The following ZNF385D variants were observed in gnomAD, a reference collection of about 807,000 sequenced individuals.
ZNF385D encodes zinc finger protein 385D, also known as zinc finger protein 659.
A neutral mutation model predicts 35.8 loss-of-function variants in ZNF385D; 15 were observed. The ratio of observed to expected loss-of-function variants is 0.42; its 90% CI spans 0.28 to 0.64. The LOEUF is 0.64. Among genes scored for constraint, ZNF385D ranks in the 30% least tolerant of loss-of-function variants. ZNF385D has a pLI of 0.23. For missense variants in ZNF385D, 474 were observed against 494.6 expected (o/e 0.96, Z 0.39); for synonymous variants, 212 against 186.8 (o/e 1.13, Z -1.10).
In ZNF385D at chr3:21,419,915, T is replaced by A. The variant is rs1700666053; in HGVS notation, c.*1299A>T. The A allele has an allele frequency of 6.6e-6, 1 of 152,150 alleles. No homozygotes were observed. Among genetic ancestry groups the A allele is most frequent in the African/African-American group, 2.4e-5 (1 of 41,458 alleles). The allele number at this position is 152,150 out of a possible 1,614,324, so 9.4% of individuals were successfully genotyped here. ...CTTGTTTTAAAGGTAAAACATCAACTTCTTTCAGCCTGATGGTGAATATCA... is the reference window on the plus strand; with the variant it reads ...CTTGTTTTAAAGGTAAAACATCAACATCTTTCAGCCTGATGGTGAATATCA... On this transcript the variant is annotated 3_prime_UTR_variant, in exon 8 of 8. Coordinates refer to ENST00000281523, the MANE Select transcript of ZNF385D (RefSeq NM_024697.3).
At chr3:22,028,074 A>T (rs1339141507) in intron 3 of ZNF385D, among the ~76,000 whole-genome samples, 1 of 152,160 alleles carries the variant, frequency 6.6e-6, no homozygotes, top group Non-Finnish European at 1.5e-5. Context: ...ACACCGATTC[A>T]TGGGCTGTAG....
At chr3:21,530,496 T>C (rs1007893137) in intron 3 of ZNF385D, among the ~76,000 whole-genome samples, 1 of 152,150 alleles carries the variant, frequency 6.6e-6, no homozygotes, top group African/African-American at 2.4e-5. Flanking sequence ...AGATTCATGC[T>C]CTTTGGGAGA....
At position 21,636,694 on chromosome 3, in the gene ZNF385D, C is replaced by T. The variant is rs149409372; in HGVS notation, c.165+28192G>A. On this transcript the variant is annotated intron_variant, in intron 2 of 7. Transcript: ENST00000281523. ...TTAAGGGTGGATCTGCCTTTCCCAG[C>T]CCACTGACTCAAATGTTAATCTCCT... Among the ~76,000 whole-genome samples, 1,338 of 151,782 alleles carry T rather than the reference C, an allele frequency of 8.8e-3. 26 individuals carry two copies. The highest frequency in any genetic ancestry group is 0.031 in the African/African-American group (1,303 of 41,366).
At chr3:22,128,295 T>C (rs1207369260) in intron 3 of ZNF385D, among the ~76,000 whole-genome samples, 3 of 152,196 alleles carry the variant, frequency 2.0e-5, no homozygotes, top group African/African-American at 7.2e-5. Context: ...ATTTCTTTTC[T>C]CTTGCTATTC....
At chr3:21,647,380 T>C (rs563162525) in intron 2 of ZNF385D, among the ~76,000 whole-genome samples, 1 of 150,268 alleles carries the variant, frequency 6.7e-6, no homozygotes, top group South Asian at 2.2e-4. Flanking sequence ...CTTCCTTCCT[T>C]TCTACCGTTC....
intron 4 of ZNF385D, among the ~76,000 whole-genome samples, chr3:21,449,789 T>C (rs12497792): frequency 0.28 from 42,067 of 152,190 alleles, 6,482 homozygotes; most frequent in East Asian, 0.43. Context: ...GTTCACATCC[T>C]TACTGGCAGA....
intron 2 of ZNF385D, among the ~76,000 whole-genome samples, chr3:21,595,945 A>T (rs895092619): frequency 6.6e-6 from 1 of 152,228 alleles, no homozygotes; most frequent in Non-Finnish European, 1.5e-5. Flanking sequence ...CTAAAACAAA[A>T]AAAGCACAAT....
At chr3:21,663,707 G>A (rs1029508386) in intron 2 of ZNF385D, among the ~76,000 whole-genome samples, 48 of 151,164 alleles carry the variant, frequency 3.2e-4, no homozygotes, top group Middle Eastern at 6.9e-3. Flanking sequence ...AACGAGATTC[G>A]TATGGAAAAT....
intron 2 of ZNF385D, among the ~76,000 whole-genome samples, chr3:22,357,050 G>A (rs1271125650): frequency 2.0e-5 from 3 of 151,800 alleles, no homozygotes; most frequent in Non-Finnish European, 2.9e-5. Context: ...GCAAGAATAA[G>A]CATTAGCACA....
At chr3:22,251,502 G>GGTTTCTCCACCTT (rs1352438524) in intron 2 of ZNF385D, among the ~76,000 whole-genome samples, 2 of 151,988 alleles carry the variant, frequency 1.3e-5, no homozygotes, top group Non-Finnish European at 2.9e-5. Flanking sequence ...TAATTTTACA[G>GGTTTCTCCACCTT]GTTTCTCCAC....
intron 3 of ZNF385D, among the ~76,000 whole-genome samples, chr3:21,970,406 A>T (rs1703173678): frequency 6.6e-6 from 1 of 152,190 alleles, no homozygotes; most frequent in Non-Finnish European, 1.5e-5. Context: ...TGCAGTTGAC[A>T]TACTGTAAAA....
intron 3 of ZNF385D, among the ~76,000 whole-genome samples, chr3:21,876,492 G>A (rs1697981295): frequency 6.6e-6 from 1 of 151,576 alleles, no homozygotes; most frequent in East Asian, 1.9e-4. Context: ...TTTTGACTAA[G>A]AATGACACTA....
intron 2 of ZNF385D, among the ~76,000 whole-genome samples, chr3:22,371,191 C>G (rs1481165772): frequency 6.6e-6 from 1 of 152,152 alleles, no homozygotes; most frequent in Non-Finnish European, 1.5e-5. Flanking sequence ...CATAGGCCAA[C>G]GAGTGGCACG....
chr3:22,129,807 T>G (rs951438829), intron 3 of ZNF385D, among the ~76,000 whole-genome samples: 5 of 152,036 alleles, frequency 3.3e-5, no homozygotes, highest in Non-Finnish European at 4.4e-5. Flanking sequence ...GGAGTCTGAG[T>G]GGTGCTTTAT....
chr3:21,518,944 TAGA>T (rs1288094859), intron 3 of ZNF385D, among the ~76,000 whole-genome samples: 4 of 152,190 alleles, frequency 2.6e-5, no homozygotes, highest in Non-Finnish European at 5.9e-5. Context: ...ATCATGTAAA[TAGA>T]AGATTACATT....
intron 2 of ZNF385D, among the ~76,000 whole-genome samples, chr3:22,190,489 A>T (rs778508154): frequency 1.3e-5 from 2 of 152,178 alleles, no homozygotes; most frequent in Non-Finnish European, 2.9e-5. Context: ...ATATGTGTCA[A>T]GGAATTTGTC....
chr3:21,891,168 T>C lies in ZNF385D; in HGVS notation c.326-226140A>G, dbSNP rs187392519. Among the ~76,000 whole-genome samples, 3 of 152,260 alleles carry C rather than the reference T, an allele frequency of 2.0e-5. No individual in the cohort carries two copies. The East Asian group carries it at 5.8e-4, about 29-fold the overall frequency. On this transcript the variant is annotated intron_variant, in intron 3 of 5. Coordinates refer to the ZNF385D transcript ENST00000494108. The stretch of plus-strand genomic sequence containing the variant: ...GATAGAGGGAAAGTGTTTATCTAAT[T>C]ATTGCTTGACACGCAGAAGGTAATC...
chr3:22,020,871 A>G (rs1697182843), intron 3 of ZNF385D, among the ~76,000 whole-genome samples: 1 of 152,060 alleles, frequency 6.6e-6, no homozygotes, highest in Non-Finnish European at 1.5e-5. Flanking sequence ...TATGGAATCA[A>G]TCTAAGTGTC....
At chr3:21,871,930 G>A (rs1221950358) in intron 3 of ZNF385D, among the ~76,000 whole-genome samples, 1 of 151,950 alleles carries the variant, frequency 6.6e-6, no homozygotes, top group Non-Finnish European at 1.5e-5. Context: ...CCAGGAGGTG[G>A]AGGTTGCAGT....
Sources: allele counts gnomAD v4.1 joint callset (sites outside exome capture counted in the v4.1 genomes callset), GRCh38; gene constraint gnomAD v4.1.1; transcripts MANE v1.5; gene names NCBI Gene and HGNC (gene_info 2026-07-23, HGNC 2026-07-21).